Variants in TRPS1 observed in about 807,000 individuals in gnomAD.
The protein encoded by TRPS1 is transcriptional repressor GATA binding 1.
TRPS1 carries 6 observed loss-of-function variants against 101.2 expected under a neutral mutation model. The observed-to-expected ratio is 0.06, with a 90% CI of 0.03 to 0.12. The LOEUF is 0.12. Among genes scored for constraint, TRPS1 ranks in the 10% least tolerant of loss-of-function variants. The pLI is 1.00. For missense variants in TRPS1, 1,363 were observed against 1,567.0 expected (o/e 0.87, Z 2.20); for synonymous variants, 578 against 589.8 (o/e 0.98, Z 0.29).
At chr8:115,469,835 G>A (rs1173061627) in intron 5 of TRPS1, among the ~76,000 whole-genome samples, 1 of 151,998 alleles carries the variant, frequency 6.6e-6, no homozygotes, top group Non-Finnish European at 1.5e-5. Context: ...AGCCTGGTTT[G>A]TTTTTTTAAA....
intron 5 of TRPS1, among the ~76,000 whole-genome samples, chr8:115,517,152 A>G (rs1815733512): frequency 6.6e-6 from 1 of 151,718 alleles, no homozygotes; most frequent in Non-Finnish European, 1.5e-5. Flanking sequence ...TTGTTTTAAA[A>G]TATAAAATCT....
intron 5 of TRPS1, among the ~76,000 whole-genome samples, chr8:115,437,589 A>G (rs1813487472): frequency 6.6e-6 from 1 of 152,228 alleles, no homozygotes; most frequent in South Asian, 2.1e-4. Context: ...ACATACGTCA[A>G]AAAATAAATA....
chr8:115,502,167 T>C (rs962508641), intron 5 of TRPS1, among the ~76,000 whole-genome samples: 22 of 152,106 alleles, frequency 1.4e-4, no homozygotes, highest in African/African-American at 4.3e-4. Context: ...CTTTTTTTCT[T>C]AACAGAACAA....
chr8:115,632,757 G>A (rs1190418751), intron 1 of TRPS1, among the ~76,000 whole-genome samples: 1 of 152,108 alleles, frequency 6.6e-6, no homozygotes, highest in Non-Finnish European at 1.5e-5. Flanking sequence ...ATATGGACAC[G>A]TGTAAAGTTC....
In TRPS1 at chr8:115,472,378, G is replaced by A. The variant is rs567667168; in HGVS notation, c.2701-53926C>T. ...CCCTTTAAGCCACAGCTGAAACACA[G>A]GTCAGCAAGTCTTGAGACTGCACAA... On this transcript the variant is annotated intron_variant, in intron 5 of 6. Coordinates refer to ENST00000395715, the MANE Select transcript of TRPS1 (RefSeq NM_014112.5). Among the ~76,000 whole-genome samples the A allele has an allele frequency of 5.1e-4, 77 of 152,230 alleles. 1 individual carries two copies. The highest frequency in any genetic ancestry group is 1.8e-3 in the African/African-American group (75 of 41,562).
intron 5 of TRPS1, among the ~76,000 whole-genome samples, chr8:115,471,008 C>T (rs529112690): frequency 2.6e-5 from 4 of 152,262 alleles, no homozygotes; most frequent in South Asian, 2.1e-4. Flanking sequence ...GCAAATATCA[C>T]GTAAAGATGG....
chr8:115,655,437 G>C (rs1451811257), intron 1 of TRPS1, among the ~76,000 whole-genome samples: 2 of 152,124 alleles, frequency 1.3e-5, no homozygotes, highest in African/African-American at 4.8e-5. Flanking sequence ...ATGGGGGCCA[G>C]CTCTTATGGT....
chr8:115,528,778 T>C (rs1008597861), intron 5 of TRPS1, among the ~76,000 whole-genome samples: 2 of 152,080 alleles, frequency 1.3e-5, no homozygotes, highest in Non-Finnish European at 2.9e-5. Flanking sequence ...TATAAAGATA[T>C]ATATATGTAT....
intron 5 of TRPS1, among the ~76,000 whole-genome samples, chr8:115,494,483 G>A (rs528999636): frequency 2.6e-4 from 39 of 152,322 alleles, no homozygotes; most frequent in African/African-American, 7.9e-4. Context: ...AATTGCTTAC[G>A]CCAAGAGGGT....
chr8:115,550,744 C>A (rs1400957881), intron 5 of TRPS1, among the ~76,000 whole-genome samples: 1 of 152,172 alleles, frequency 6.6e-6, no homozygotes, highest in Non-Finnish European at 1.5e-5. Flanking sequence ...TCTTGGAAAT[C>A]TATAACTACC....
intron 5 of TRPS1, among the ~76,000 whole-genome samples, chr8:115,504,160 C>G (rs1163342825): frequency 6.6e-6 from 1 of 152,190 alleles, no homozygotes; most frequent in African/African-American, 2.4e-5. Flanking sequence ...CTACAACACT[C>G]CAACTTCAGA....
intron 1 of TRPS1, among the ~76,000 whole-genome samples, chr8:115,624,275 A>G (rs1478117258): frequency 6.6e-6 from 1 of 152,018 alleles, no homozygotes; most frequent in Non-Finnish European, 1.5e-5. Flanking sequence ...GAGTAAGTCT[A>G]CTATGAATTG....
At chr8:115,471,581 C>T (rs1814470364) in intron 5 of TRPS1, among the ~76,000 whole-genome samples, 1 of 152,144 alleles carries the variant, frequency 6.6e-6, no homozygotes, top group South Asian at 2.1e-4. Context: ...TTTCAAAACA[C>T]AATCATGACT....
intron 5 of TRPS1, among the ~76,000 whole-genome samples, chr8:115,427,200 C>T (rs1015310714): frequency 6.6e-6 from 1 of 151,928 alleles, no homozygotes; most frequent in Non-Finnish European, 1.5e-5. Flanking sequence ...TGGTTTGAGC[C>T]CAGGGGTTCT....
In TRPS1 at chr8:115,414,751, T is replaced by G; in HGVS notation, c.3157A>C (p.Lys1053Gln). 6.2e-7 allele frequency: 1 copy of G among 1,614,086 alleles called. No homozygotes were observed. Among genetic ancestry groups the G allele is most frequent in the Non-Finnish European group, 8.5e-7 (1 of 1,179,960 alleles). ...KRMQPLHIQIKSPQESTGDPG... is the reference protein window; with the variant it reads ...KRMQPLHIQIQSPQESTGDPG... ...TCTCCAGTACTTTCCTGAGGACTTTTTATCTGAATGTGCAAAGGTTGCATC... is the reference window on the plus strand; with the variant it reads ...TCTCCAGTACTTTCCTGAGGACTTTGTATCTGAATGTGCAAAGGTTGCATC... The change falls in exon 7 of 7, where the codon AAA (lysine) becomes CAA (glutamine). Residue 1053 changes from lysine (K) to glutamine (Q), a missense_variant. This residue lies in a region of TRPS1 where 307 missense variants were observed against 392.4 expected (regional missense o/e 0.78). Transcript: ENST00000395715. This position sits in a 1 kb window ranked among gnomAD's most constrained non-coding sequence, Gnocchi z 4.8.
At chr8:115,443,712 G>A (rs895189883) in intron 5 of TRPS1, among the ~76,000 whole-genome samples, 1 of 152,036 alleles carries the variant, frequency 6.6e-6, no homozygotes, top group African/African-American at 2.4e-5. Context: ...GCTGGGGTGA[G>A]GACTAAAGGA....
At chr8:115,651,768 G>T (rs1190980941) in intron 1 of TRPS1, among the ~76,000 whole-genome samples, 2 of 152,140 alleles carry the variant, frequency 1.3e-5, no homozygotes, top group African/African-American at 2.4e-5. Flanking sequence ...CTGTAGTTAA[G>T]GTTGCGTAGA....
rs1359085272 is a variant in TRPS1 at position 115,414,993 on chromosome 8, T to A, written c.2915A>T (p.Gln972Leu). The change falls in exon 7 of 7, where the codon CAG becomes CTG. Residue 972 changes from glutamine to leucine, a missense_variant. Physicochemically the swap from Gln to Leu is moderately radical, Grantham distance 113 (BLOSUM62 -2). Around this residue, in one of 5 missense-constraint regions of TRPS1, gnomAD observed 307 missense variants for 392.4 expected, o/e 0.78. Coordinates refer to ENST00000395715, the MANE Select transcript of TRPS1 (RefSeq NM_014112.5). The surrounding 1 kb of genome is among the most constrained non-coding windows in gnomAD (Gnocchi z 4.8). ...CTGCTGTTTGTTGAGCTGCTCAGCC[T>A]GAAGTGCCTCTGGGTTAAGGCGCTT... ...TRKRLNPEAL[Q>L]AEQLNKQQRG... The A allele has an allele frequency of 4.4e-6, 7 of 1,577,892 alleles. No homozygotes were observed. The Admixed American group carries it at 1.3e-4, about 30-fold the overall frequency.
chr8:115,664,798 A>C (rs1811883884), intron 1 of TRPS1, among the ~76,000 whole-genome samples: 1 of 152,176 alleles, frequency 6.6e-6, no homozygotes, highest in Non-Finnish European at 1.5e-5. Flanking sequence ...GCCTGCTAAA[A>C]ACAGATGCAG....
Sources: gnomAD v4.1 joint callset for allele counts (sites outside exome capture counted in the v4.1 genomes callset) on GRCh38, gnomAD v4.1.1 for gene constraint, gnomAD v4.1.1 regional missense constraint, Gnocchi (gnomAD v3.1) non-coding constraint, MANE v1.5 for transcripts, NCBI Gene and HGNC (gene_info 2026-07-23, HGNC 2026-07-21) for gene names.